Variants in PTPRD observed in about 807,000 individuals in gnomAD.
The protein encoded by PTPRD is protein tyrosine phosphatase receptor type D.
PTPRD carries 34 observed loss-of-function variants against 214.5 expected under a neutral mutation model. The observed-to-expected ratio is 0.16, with a 90% CI of 0.12 to 0.21. The LOEUF (loss-of-function observed/expected upper bound fraction) is 0.21. PTPRD is among the 10% of genes least tolerant of loss of function. PTPRD has a pLI of 1.00. For missense variants in PTPRD, 2,545 were observed against 2,398.7 expected (o/e 1.06, Z -1.27); for synonymous variants, 1,128 against 845.7 (o/e 1.33, Z -5.79).
intron 2 of PTPRD, among the ~76,000 whole-genome samples, chr9:10,351,246 T>A (rs1037641233): frequency 6.6e-6 from 1 of 152,168 alleles, no homozygotes; most frequent in African/African-American, 2.4e-5. Context: ...TTATCTAAAT[T>A]ACTGTCGCCC....
At chr9:10,376,425 C>G (rs1209233327) in intron 2 of PTPRD, among the ~76,000 whole-genome samples, 1 of 151,206 alleles carries the variant, frequency 6.6e-6, no homozygotes, top group African/African-American at 2.4e-5. Flanking sequence ...TAAATGCATG[C>G]CTTGATATTC....
At chr9:9,107,323 T>C (rs2099800037) in intron 10 of PTPRD, among the ~76,000 whole-genome samples, 1 of 152,150 alleles carries the variant, frequency 6.6e-6, no homozygotes, top group Non-Finnish European at 1.5e-5. Context: ...TTTGTCACAC[T>C]GCTGGCGTTA....
At chr9:9,197,060 T>C (rs539668648) in intron 9 of PTPRD, among the ~76,000 whole-genome samples, 1 of 152,308 alleles carries the variant, frequency 6.6e-6, no homozygotes, top group South Asian at 2.1e-4. Flanking sequence ...ATCCCCCAAC[T>C]TAGTTAATGT....
At chr9:8,478,097 C>G (rs1019575508) in intron 30 of PTPRD, among the ~76,000 whole-genome samples, 6 of 152,260 alleles carry the variant, frequency 3.9e-5, no homozygotes, top group Non-Finnish European at 7.4e-5. Flanking sequence ...ATGATCTTGG[C>G]CAGGACACTT....
intron 3 of PTPRD, among the ~76,000 whole-genome samples, chr9:10,324,867 T>G (rs1431307308): frequency 2.6e-5 from 4 of 152,006 alleles, no homozygotes; most frequent in African/African-American, 9.7e-5. Flanking sequence ...GGAACTAATT[T>G]AACAATCAAA....
In PTPRD at chr9:8,315,879, C is replaced by G. The variant is rs1464318660; in HGVS notation, c.*1995G>C. ...TTAAAATCATGTAATATGTGGCAAACTTATGCCATCATCCATGGCTTCCTA... is the reference window on the plus strand; with the variant it reads ...TTAAAATCATGTAATATGTGGCAAAGTTATGCCATCATCCATGGCTTCCTA... On this transcript the variant is annotated 3_prime_UTR_variant, in exon 46 of 46. Coordinates refer to ENST00000381196, the MANE Select transcript of PTPRD (RefSeq NM_002839.4). 1 of 225,204 alleles carries G rather than the reference C, an allele frequency of 4.4e-6. No homozygotes were observed. The highest frequency in any genetic ancestry group is 2.2e-5 in the African/African-American group (1 of 44,818). The allele number at this position is 225,204 out of a possible 1,614,324, so 14.0% of individuals were successfully genotyped here.
At chr9:8,858,796 A>AACACACACACACACACACAC (rs71317379) in intron 11 of PTPRD, among the ~76,000 whole-genome samples, 7 of 141,870 alleles carry the variant, frequency 4.9e-5, no homozygotes, top group South Asian at 4.9e-4. Flanking sequence ...TGAAGGAGGC[A>AACACACACACACACACACAC]ACACACACAC....
chr9:9,152,433 T>C (rs2099877616), intron 10 of PTPRD, among the ~76,000 whole-genome samples: 1 of 152,182 alleles, frequency 6.6e-6, no homozygotes, highest in South Asian at 2.1e-4. Context: ...TGATTTGTTT[T>C]TAAGTCTCAA....
chr9:10,219,020 A>T (rs138852223), intron 3 of PTPRD, among the ~76,000 whole-genome samples: 3 of 151,978 alleles, frequency 2.0e-5, no homozygotes, highest in East Asian at 3.9e-4. Context: ...CTAAAAACAA[A>T]CCGAGGCACC....
At chr9:10,510,501 G>C (rs995875805) in intron 2 of PTPRD, among the ~76,000 whole-genome samples, 2 of 152,018 alleles carry the variant, frequency 1.3e-5, no homozygotes, top group African/African-American at 2.4e-5. Context: ...CATATAAATA[G>C]GGATTATGCA....
chr9:9,230,527 C>T (rs2099962447), intron 9 of PTPRD, among the ~76,000 whole-genome samples: 1 of 152,008 alleles, frequency 6.6e-6, no homozygotes, highest in South Asian at 2.1e-4. Context: ...GTATGGGAGG[C>T]CCAGGCTTGC....
intron 3 of PTPRD, among the ~76,000 whole-genome samples, chr9:10,061,354 A>G (rs2097775116): frequency 6.6e-6 from 1 of 152,084 alleles, no homozygotes; most frequent in Non-Finnish European, 1.5e-5. Flanking sequence ...GAAGACTATA[A>G]CTTAGGGAAA....
chr9:10,138,955 A>G (rs1312585707), intron 3 of PTPRD, among the ~76,000 whole-genome samples: 1 of 152,100 alleles, frequency 6.6e-6, no homozygotes, highest in Admixed American at 6.6e-5. Flanking sequence ...CAAATGGGCA[A>G]AACTGCAACC....
Position 9,607,738 on chromosome 9 carries a change from C to CTGTT in PTPRD, c.-286-32961_-286-32958dup, listed in dbSNP as rs1005601588. ...ATGTTATTATAATACAAAGAATAGA[C>CTGTT]TGTTAGTAAAAAAAAAAAAAAAAAT... is the stretch of plus-strand genomic sequence containing the variant. On this transcript the variant is annotated intron_variant, in intron 7 of 45. Coordinates refer to ENST00000381196, the MANE Select transcript of PTPRD (RefSeq NM_002839.4). Among the ~76,000 whole-genome samples, 3 of 132,212 alleles carry CTGTT rather than the reference C, an allele frequency of 2.3e-5. 1 individual carries two copies. The highest frequency in any genetic ancestry group is 4.1e-3 in the Middle Eastern group (1 of 242). 86.7% of individuals were successfully genotyped at this position (132,212 alleles called of 152,430 possible).
intron 2 of PTPRD, among the ~76,000 whole-genome samples, chr9:10,430,911 G>C (rs1221420558): frequency 1.3e-5 from 2 of 151,756 alleles, no homozygotes; most frequent in African/African-American, 2.4e-5. Context: ...TGATTATATG[G>C]ACATATTTTA....
intron 2 of PTPRD, among the ~76,000 whole-genome samples, chr9:10,482,778 G>A (rs2181157): frequency 0.73 from 110,650 of 152,112 alleles, 40,489 homozygotes; most frequent in African/African-American, 0.8. Context: ...ATCTCCAAGG[G>A]GAACTACAAA....
chr9:9,034,250 G>C (rs531413349), intron 10 of PTPRD, among the ~76,000 whole-genome samples: 1 of 152,194 alleles, frequency 6.6e-6, no homozygotes. Context: ...GCTCTGTTAG[G>C]AATCCATATA....
At chr9:9,025,321 GT>G (rs1569454780) in intron 10 of PTPRD, among the ~76,000 whole-genome samples, 1 of 152,040 alleles carries the variant, frequency 6.6e-6, no homozygotes, top group Non-Finnish European at 1.5e-5. Context: ...ACTTTCCTAT[GT>G]TCTGATAAGC....
chr9:8,910,698 G>A (rs2098740962), intron 11 of PTPRD, among the ~76,000 whole-genome samples: 2 of 152,110 alleles, frequency 1.3e-5, no homozygotes, highest in African/African-American at 4.8e-5. Flanking sequence ...CAGATATTCT[G>A]TTATAAGCAA....
Sources: gnomAD v4.1 joint callset for allele counts (sites outside exome capture counted in the v4.1 genomes callset) on GRCh38, gnomAD v4.1.1 for gene constraint, MANE v1.5 for transcripts, NCBI Gene and HGNC (gene_info 2026-07-23, HGNC 2026-07-21) for gene names.